SPAST: variants seen among roughly 807,000 people sequenced by gnomAD.
The protein encoded by SPAST is spastic paraplegia 4 (autosomal dominant; spastin).
In SPAST, 30 loss-of-function variants were observed where a neutral mutation model predicts 76.6. That is an observed-to-expected ratio of 0.39 (90% CI 0.29 to 0.53). The LOEUF (loss-of-function observed/expected upper bound fraction) is 0.53. Ranked by LOEUF, SPAST falls within the 20% of genes least tolerant of loss-of-function variation. The pLI, the probability that SPAST is intolerant of heterozygous loss-of-function variation, is 0.68. For synonymous variants in SPAST, 305 were observed against 281.0 expected (o/e 1.09, Z -0.86); for missense variants, 717 against 770.5 (o/e 0.93, Z 0.82).
chr2:32,148,435 G>C (rs1240093775), intron 16 of SPAST, among the ~76,000 whole-genome samples: 1 of 151,930 alleles, frequency 6.6e-6, no homozygotes, highest in Non-Finnish European at 1.5e-5. Flanking sequence ...ACTTTGGGAG[G>C]CCGAGGTGGG....
intron 12 of SPAST, among the ~76,000 whole-genome samples, chr2:32,140,664 A>G (rs1573162588): frequency 6.6e-6 from 1 of 151,762 alleles, no homozygotes; most frequent in Non-Finnish European, 1.5e-5. Flanking sequence ...GGTGGGTCAC[A>G]CCTGTAATCC....
intron 4 of SPAST, among the ~76,000 whole-genome samples, chr2:32,114,392 G>A (rs1191511431): frequency 6.6e-6 from 1 of 152,028 alleles, no homozygotes; most frequent in Non-Finnish European, 1.5e-5. Context: ...TCCAGCCCAG[G>A]CCACAGGTTT....
At chr2:32,079,745 G>C (rs1677127658) in intron 1 of SPAST, among the ~76,000 whole-genome samples, 2 of 152,174 alleles carry the variant, frequency 1.3e-5, no homozygotes, top group East Asian at 1.9e-4. Flanking sequence ...TTTTTGTAGA[G>C]ATAGGGTTTC....
chr2:32,116,054 G>T (rs1234326155), intron 6 of SPAST, 65 bp from the exon 7 acceptor site: 1 of 1,198,884 alleles, frequency 8.3e-7, no homozygotes, highest in Non-Finnish European at 1.2e-6. Context: ...ATAGGGCTTA[G>T]GCTTCATCTT....
At chr2:32,150,260 T>C (rs1486489753) in intron 16 of SPAST, among the ~76,000 whole-genome samples, 1 of 143,284 alleles carries the variant, frequency 7.0e-6, no homozygotes, top group Non-Finnish European at 1.5e-5. Context: ...TTTTTTTTTT[T>C]TTTGTATTTG....
chr2:32,105,538 T>C (rs1678287270), intron 4 of SPAST, among the ~76,000 whole-genome samples: 1 of 152,198 alleles, frequency 6.6e-6, no homozygotes, highest in African/African-American at 2.4e-5. Flanking sequence ...AGAGGCGCTC[T>C]GAATTTTAGA....
intron 1 of SPAST, among the ~76,000 whole-genome samples, chr2:32,072,075 C>T (rs1214273468): frequency 6.6e-6 from 1 of 152,194 alleles, no homozygotes; most frequent in Non-Finnish European, 1.5e-5. Flanking sequence ...CAGAGTCTCG[C>T]TCTGTTGCCC....
Position 32,071,179 on chromosome 2 carries a change from A to G in SPAST, c.415+6933A>G, listed in dbSNP as rs72862258. The stretch of plus-strand genomic sequence containing the variant: ...CACAATGGTGGAGGTTCTCTAGGTG[A>G]CGTTTGATTTCTCAAGTACATAGGA... On this transcript the variant is annotated intron_variant, in intron 1 of 16. Transcript: ENST00000315285. Among the ~76,000 whole-genome samples, 815 of 152,286 alleles carry G rather than the reference A, an allele frequency of 5.4e-3. 5 individuals carry two copies. The highest frequency in any genetic ancestry group is 0.018 in the African/African-American group (760 of 41,562).
At position 32,115,764 on chromosome 2, in the gene SPAST, A is replaced by G. The variant is rs942683142; in HGVS notation, c.933A>G (p.Lys311=). The G allele has an allele frequency of 6.2e-6, 10 of 1,611,562 alleles. No individual in the cohort carries two copies. Among genetic ancestry groups the G allele is most frequent in the Non-Finnish European group, 8.5e-6 (10 of 1,178,140 alleles). The change falls in exon 6 of 17, where the codon AAA becomes AAG. Residue 311 remains lysine, a synonymous_variant. Coordinates refer to ENST00000315285, the MANE Select transcript of SPAST (RefSeq NM_014946.4). The stretch of plus-strand genomic sequence containing the variant: ...CCCCTACAACTGCTACTCGTAAGAA[A>G]AAAGACTTGAAGAATTTTAGGAATG... ...PSTPTTATRK[K]KDLKNFRNVD...
At chr2:32,073,029 CA>C (rs1558612862) in intron 1 of SPAST, among the ~76,000 whole-genome samples, 1 of 152,106 alleles carries the variant, frequency 6.6e-6, no homozygotes, top group African/African-American at 2.4e-5. Flanking sequence ...ACCAAAGACA[CA>C]AAAAAGCAGC....
intron 1 of SPAST, among the ~76,000 whole-genome samples, chr2:32,074,965 G>T (rs1023270233): frequency 1.1e-4 from 16 of 152,096 alleles, no homozygotes; most frequent in African/African-American, 3.9e-4. Flanking sequence ...CACATAATAG[G>T]TACTCAGTAA....
At chr2:32,087,453 T>C (rs1318099110) in intron 1 of SPAST, 39 bp from the exon 2 acceptor site, 4 of 1,269,502 alleles carry the variant, frequency 3.2e-6, no homozygotes, top group East Asian at 4.7e-5. Context: ...TTTAGTGTAC[T>C]CTTCATACGA....
rs1239005401 is a variant in SPAST, at chr2:32,155,910, A to G, written c.*1414A>G. ...TTAGGAAAGATTTCTTAGGTTTTGAAAGAATACATTAAAATAAAAAACTTG... is the reference window on the plus strand; with the variant it reads ...TTAGGAAAGATTTCTTAGGTTTTGAGAGAATACATTAAAATAAAAAACTTG... On this transcript the variant is annotated 3_prime_UTR_variant, in exon 17 of 17. Transcript: ENST00000315285. The G allele has an allele frequency of 6.6e-6, 1 of 152,608 alleles. No individual in the cohort carries two copies. Among genetic ancestry groups the G allele is most frequent in the Non-Finnish European group, 1.5e-5 (1 of 68,032 alleles). 9.5% of individuals were successfully genotyped at this position (152,608 alleles called of 1,614,324 possible).
chr2:32,154,493 T>C lies in SPAST; in HGVS notation c.1848T>C (p.Val616=). 6.2e-7 allele frequency: 1 copy of C among 1,613,834 alleles called. No individual in the cohort carries two copies. Among genetic ancestry groups the C allele is most frequent in the South Asian group, 1.1e-5 (1 of 91,076 alleles). The change falls in exon 17 of 17, where the codon GTT becomes GTC. Residue 616 remains valine (V), a synonymous_variant. Transcript: ENST00000315285. ...RWNKDFGDTT[V] is the part of the protein sequence containing the mutation. ...ACAAGGACTTTGGAGATACCACTGT[T>C]TAAGGAAATACCTTTGTAAACCTGC...
Position 32,155,310 on chromosome 2 carries a change from TCTTCCTGATGG to T in SPAST, c.*815_*825del, listed in dbSNP as rs1416242028. ...AGAAATCTGTTGTAGACTGTTAACTTCTTCCTGATGGAATTTATTTTCTGCAAGAATTATTC... is the reference window on the plus strand; with the variant it reads ...AGAAATCTGTTGTAGACTGTTAACTTAATTTATTTTCTGCAAGAATTATTC... On this transcript the variant is annotated 3_prime_UTR_variant, in exon 17 of 17. Transcript: ENST00000315285. 5 of 152,622 alleles carry T rather than the reference TCTTCCTGATGG, an allele frequency of 3.3e-5. No homozygotes were observed. Among genetic ancestry groups the T allele is most frequent in the Non-Finnish European group, 2.9e-5 (2 of 68,008 alleles). The allele number at this position is 152,622 out of a possible 1,614,324, so 9.5% of individuals were successfully genotyped here.
In SPAST at chr2:32,154,562, C is replaced by T. The variant is rs1680193319; in HGVS notation, c.*66C>T. On this transcript the variant is annotated 3_prime_UTR_variant, in exon 17 of 17. Coordinates refer to ENST00000315285, the MANE Select transcript of SPAST (RefSeq NM_014946.4). ...GAGGAAACACAAGATCTTCAATGAA[C>T]GTCATCGGCTACAGAAACAGCCTAA... is the stretch of plus-strand genomic sequence containing the variant. 1.6e-5 allele frequency: 24 copies of T among 1,519,424 alleles called. No individual in the cohort carries two copies. The highest frequency in any genetic ancestry group is 2.1e-5 in the Non-Finnish European group (23 of 1,095,794). The allele number at this position is 1,519,424 out of a possible 1,614,324, so 94.1% of individuals were successfully genotyped here.
chr2:32,114,380 A>G (rs1189717812), intron 4 of SPAST, among the ~76,000 whole-genome samples: 3 of 152,022 alleles, frequency 2.0e-5, no homozygotes, highest in Non-Finnish European at 4.4e-5. Context: ...ATGCCACTGC[A>G]CTCCAGCCCA....
intron 7 of SPAST, among the ~76,000 whole-genome samples, chr2:32,122,131 T>C (rs1679041806): frequency 6.6e-6 from 1 of 152,180 alleles, no homozygotes; most frequent in African/African-American, 2.4e-5. Context: ...CTACTGTTTA[T>C]TTGGGTTTCT....
intron 4 of SPAST, among the ~76,000 whole-genome samples, chr2:32,110,762 T>C (rs577886185): frequency 1.8e-5 from 2 of 113,590 alleles, no homozygotes; most frequent in East Asian, 2.4e-4. Context: ...GTATAGTATA[T>C]ATAGTATACA....
Sources: gnomAD v4.1 joint callset for allele counts (sites outside exome capture counted in the v4.1 genomes callset) on GRCh38, gnomAD v4.1.1 for gene constraint, MANE v1.5 for transcripts, NCBI Gene and HGNC (gene_info 2026-07-23, HGNC 2026-07-21) for gene names.